Variants in ASPRV1 observed in about 807,000 individuals in gnomAD.
The protein encoded by ASPRV1 is aspartic peptidase retroviral like 1.
In ASPRV1, 7 loss-of-function variants were observed where a neutral mutation model predicts 11.0. The ratio of observed to expected loss-of-function variants is 0.64; its 90% CI spans 0.36 to 1.20. The LOEUF is 1.20. Ranked by LOEUF, ASPRV1 falls within the 50% of genes most tolerant of loss-of-function variation. ASPRV1 has a pLI of 0.02. For synonymous variants in ASPRV1, 136 were observed against 138.4 expected (o/e 0.98, Z 0.12); for missense variants, 299 against 320.0 (o/e 0.93, Z 0.50).
At chr2:70,060,734 T>C in the ASPRV1 span, among the ~76,000 whole-genome samples, 1 of 152,150 alleles carries the variant, frequency 6.6e-6, no homozygotes, top group African/African-American at 2.4e-5. Flanking sequence ...AAAAACTGCT[T>C]GAACCTGCAA....
chr2:69,938,096 G>A, the ASPRV1 span: 11 of 1,613,624 alleles, frequency 6.8e-6, no homozygotes, highest in East Asian at 2.0e-4. Flanking sequence ...CCTCCCTGCA[G>A]AAGAAATCGA....
chr2:69,991,968 T>C, the ASPRV1 span, among the ~76,000 whole-genome samples: 24 of 152,218 alleles, frequency 1.6e-4, no homozygotes, highest in Middle Eastern at 3.2e-3. Context: ...AAGTGCTGCT[T>C]TGGGGGCTCT....
chr2:69,996,121 C>A, the ASPRV1 span, among the ~76,000 whole-genome samples: 2 of 146,672 alleles, frequency 1.4e-5, no homozygotes, highest in East Asian at 4.1e-4. Flanking sequence ...AGGTTCACCC[C>A]TGTAATCCCA....
the ASPRV1 span, among the ~76,000 whole-genome samples, chr2:70,084,949 A>G: frequency 2.0e-5 from 3 of 152,250 alleles, no homozygotes; most frequent in African/African-American, 7.2e-5. Context: ...AGTTAAAGGC[A>G]AAAAGCCCTT....
chr2:69,984,722 G>A, the ASPRV1 span, among the ~76,000 whole-genome samples: 4 of 143,738 alleles, frequency 2.8e-5, no homozygotes, highest in Admixed American at 3.0e-4. Flanking sequence ...CCAGGTTCAA[G>A]CGATTCTCCT....
the ASPRV1 span, among the ~76,000 whole-genome samples, chr2:69,998,872 G>A: frequency 1.3e-5 from 2 of 152,182 alleles, no homozygotes; most frequent in African/African-American, 2.4e-5. Context: ...CTCCGGGCAT[G>A]ACTGACAGGA....
At chr2:69,966,975 T>G in the ASPRV1 span, among the ~76,000 whole-genome samples, 10 of 152,120 alleles carry the variant, frequency 6.6e-5, no homozygotes, top group Admixed American at 5.9e-4. Context: ...GCAGAGCCCT[T>G]ACATGTATAG....
In ASPRV1 at chr2:69,961,056, C is replaced by T. The variant is rs866249998; in HGVS notation, c.381G>A (p.Val127=). The part of the protein sequence containing the change: ...KIGKVPVRFL[V]DSGAQVSVVH... ...CCACAGAGACCTGGGCCCCAGAGTC[C>T]ACCAGGAACCTCACGGGCACTTTGC... Residue 127 remains valine (V), a synonymous_variant, in exon 1 of 1, where the codon GTG becomes GTA. Transcript: ENST00000320256. 2 of 1,613,940 alleles carry T rather than the reference C, an allele frequency of 1.2e-6. No homozygotes were observed. Among genetic ancestry groups the T allele is most frequent in the South Asian group, 2.2e-5 (2 of 91,072 alleles).
At chr2:70,042,884 T>C in the ASPRV1 span, among the ~76,000 whole-genome samples, 1 of 152,008 alleles carries the variant, frequency 6.6e-6, no homozygotes, top group African/African-American at 2.4e-5. Flanking sequence ...GAGGCCTCAG[T>C]GAAGCTAAAA....
upstream of ASPRV1, among the ~76,000 whole-genome samples, chr2:69,965,770 G>C (rs1678319301): frequency 6.6e-6 from 1 of 152,130 alleles, no homozygotes; most frequent in Non-Finnish European, 1.5e-5. Context: ...AGGGCACACG[G>C]GCAGGACAGC....
the ASPRV1 span, among the ~76,000 whole-genome samples, chr2:70,071,344 A>G: frequency 6.6e-6 from 1 of 152,238 alleles, no homozygotes; most frequent in African/African-American, 2.4e-5. Flanking sequence ...AGGTATTAGG[A>G]TAAACTGCAA....
At chr2:70,020,511 G>A in the ASPRV1 span, among the ~76,000 whole-genome samples, 2 of 152,202 alleles carry the variant, frequency 1.3e-5, no homozygotes, top group Admixed American at 1.3e-4. Context: ...GAGAGGCAGA[G>A]GTGGGCAGAT....
the ASPRV1 span, among the ~76,000 whole-genome samples, chr2:70,023,307 G>A: frequency 6.6e-6 from 1 of 152,156 alleles, no homozygotes; most frequent in Non-Finnish European, 1.5e-5. Context: ...AAGCAGGTGG[G>A]GACATTTTTT....
chr2:70,017,370 C>T, the ASPRV1 span, among the ~76,000 whole-genome samples: 1 of 152,128 alleles, frequency 6.6e-6, no homozygotes, highest in Non-Finnish European at 1.5e-5. Context: ...ATAAATTAGG[C>T]ACAGAAGGAA....
chr2:69,958,782 C>T (rs908653992), downstream of ASPRV1, among the ~76,000 whole-genome samples: 1 of 152,116 alleles, frequency 6.6e-6, no homozygotes. Context: ...TGGGAGTCAT[C>T]CGGAGACCAC....
the ASPRV1 span, among the ~76,000 whole-genome samples, chr2:69,986,080 A>C: frequency 1.3e-5 from 2 of 152,340 alleles, no homozygotes; most frequent in East Asian, 3.9e-4. Context: ...TCCTTGACTT[A>C]TGGAGACTCA....
chr2:69,987,316 T>C, the ASPRV1 span, among the ~76,000 whole-genome samples: 11 of 151,944 alleles, frequency 7.2e-5, 1 homozygote. Flanking sequence ...CTATCCCTCA[T>C]CCCTGGTCCA....
the ASPRV1 span, chr2:70,046,519 G>C: frequency 1.3e-5 from 2 of 152,216 alleles, no homozygotes; most frequent in South Asian, 4.1e-4. Context: ...CATGTGCTAT[G>C]CTGACTATAA....
At chr2:69,937,204 G>A in the ASPRV1 span, 6 of 1,610,864 alleles carry the variant, frequency 3.7e-6, no homozygotes, top group Non-Finnish European at 5.1e-6. Context: ...ATCTCCCTGT[G>A]GGGCCCAACA....
Sources: gnomAD v4.1 joint callset for allele counts (sites outside exome capture counted in the v4.1 genomes callset) on GRCh38, gnomAD v4.1.1 for gene constraint, MANE v1.5 for transcripts, NCBI Gene and HGNC (gene_info 2026-07-23, HGNC 2026-07-21) for gene names.